Variants in DOK6 observed in about 807,000 individuals in gnomAD.
The protein encoded by DOK6 is downstream of tyrosine kinase 6.
A neutral mutation model predicts 44.0 loss-of-function variants in DOK6; 22 were observed. That is an observed-to-expected ratio of 0.50 (90% confidence interval 0.36 to 0.71). DOK6 has a LOEUF of 0.71. Ranked by LOEUF, DOK6 falls within the 30% of genes least tolerant of loss-of-function variation. DOK6 has a pLI of 0.00. For synonymous variants in DOK6, 166 were observed against 145.5 expected (o/e 1.14, Z -1.01); for missense variants, 340 against 416.4 (o/e 0.82, Z 1.60).
chr18:69,812,013 T>C (rs1599338745), intron 7 of DOK6, among the ~76,000 whole-genome samples: 1 of 151,970 alleles, frequency 6.6e-6, no homozygotes, highest in Non-Finnish European at 1.5e-5. Context: ...ACAAAAACTA[T>C]GAAGACTACA....
At chr18:69,733,893 G>T (rs921375488) in intron 5 of DOK6, among the ~76,000 whole-genome samples, 1 of 152,018 alleles carries the variant, frequency 6.6e-6, no homozygotes. Flanking sequence ...TGAAACAAGA[G>T]GAATTAGTGT....
At chr18:69,809,318 C>T (rs1852522487) in intron 7 of DOK6, among the ~76,000 whole-genome samples, 1 of 151,584 alleles carries the variant, frequency 6.6e-6, no homozygotes, top group South Asian at 2.1e-4. Context: ...ACAAGAAAGG[C>T]CATCTATGAC....
chr18:69,592,328 C>A (rs1983641671), intron 2 of DOK6, among the ~76,000 whole-genome samples: 1 of 151,490 alleles, frequency 6.6e-6, no homozygotes, highest in Non-Finnish European at 1.5e-5. Flanking sequence ...GATCTTTCTT[C>A]CTCTCTGCTC....
chr18:69,522,129 G>T (rs1599171771), intron 1 of DOK6, among the ~76,000 whole-genome samples: 2 of 151,918 alleles, frequency 1.3e-5, no homozygotes, highest in East Asian at 3.9e-4. Flanking sequence ...CCCTTCGAAT[G>T]GACCTGAGGG....
intron 3 of DOK6, among the ~76,000 whole-genome samples, chr18:69,635,090 T>A (rs1420297075): frequency 6.6e-6 from 1 of 152,180 alleles, no homozygotes; most frequent in Non-Finnish European, 1.5e-5. Context: ...GGTGCAAACA[T>A]GCAGTGCACA....
chr18:69,519,081 T>C (rs1216638779), intron 1 of DOK6, among the ~76,000 whole-genome samples: 1 of 152,090 alleles, frequency 6.6e-6, no homozygotes, highest in Admixed American at 6.6e-5. Flanking sequence ...TCAGAAATTT[T>C]CCTAATATTA....
At chr18:69,753,899 C>CA (rs1284089267) in intron 6 of DOK6, among the ~76,000 whole-genome samples, 1 of 151,862 alleles carries the variant, frequency 6.6e-6, no homozygotes, top group Non-Finnish European at 1.5e-5. Context: ...GAACTTCAAA[C>CA]ACATGTATCC....
chr18:69,705,091 T>TCCA (rs1986605286), intron 5 of DOK6: 1 of 152,238 alleles, frequency 6.6e-6, no homozygotes, highest in Non-Finnish European at 1.5e-5. Flanking sequence ...CCCTCGGCCC[T>TCCA]CCAGGAGGAT....
At chr18:69,432,820 G>A (rs972510350) in intron 1 of DOK6, among the ~76,000 whole-genome samples, 3 of 152,066 alleles carry the variant, frequency 2.0e-5, no homozygotes, top group Non-Finnish European at 4.4e-5. Context: ...ATTTTAAAAA[G>A]ATTTCATTAG....
chr18:69,536,281 A>G (rs948183243), intron 1 of DOK6, among the ~76,000 whole-genome samples: 1 of 152,202 alleles, frequency 6.6e-6, no homozygotes, highest in Non-Finnish European at 1.5e-5. Flanking sequence ...GACTTGGTAC[A>G]TATTAAATCC....
intron 3 of DOK6, among the ~76,000 whole-genome samples, chr18:69,665,356 G>C (rs1403302571): frequency 6.6e-6 from 1 of 152,088 alleles, no homozygotes; most frequent in African/African-American, 2.4e-5. Context: ...AAATGAGATG[G>C]GATAGACAGT....
At chr18:69,684,049 G>T (rs1177719066) in intron 4 of DOK6, among the ~76,000 whole-genome samples, 1 of 152,164 alleles carries the variant, frequency 6.6e-6, no homozygotes. Flanking sequence ...AGCCCCTCTA[G>T]AAGAAATAAG....
chr18:69,835,672 G>A (rs1455512628), intron 7 of DOK6, among the ~76,000 whole-genome samples: 8 of 152,196 alleles, frequency 5.3e-5, no homozygotes, highest in Admixed American at 5.2e-4. Context: ...AAGGATGACA[G>A]CGTCTCCTCT....
intron 4 of DOK6, among the ~76,000 whole-genome samples, chr18:69,681,561 C>T (rs72963466): frequency 0.031 from 4,657 of 152,226 alleles, 124 homozygotes; most frequent in African/African-American, 0.069. Context: ...CAGACACACA[C>T]ACACACACAG....
chr18:69,508,189 T>A (rs189155744), intron 1 of DOK6, among the ~76,000 whole-genome samples: 45 of 152,310 alleles, frequency 3.0e-4, no homozygotes, highest in African/African-American at 9.6e-4. Flanking sequence ...TGAACCAGCC[T>A]TGGTTACTGG....
At chr18:69,731,996 C>A (rs1342089035) in intron 5 of DOK6, among the ~76,000 whole-genome samples, 2 of 152,180 alleles carry the variant, frequency 1.3e-5, no homozygotes, top group Non-Finnish European at 2.9e-5. Context: ...CGTATCACTT[C>A]TCTGTATTTA....
chr18:69,476,318 A>T (rs1310207281), intron 1 of DOK6, among the ~76,000 whole-genome samples: 3 of 152,222 alleles, frequency 2.0e-5, no homozygotes, highest in Non-Finnish European at 4.4e-5. Context: ...TACATGAAGA[A>T]TATACATAAG....
chr18:69,727,413 T>C (rs1978315383), intron 5 of DOK6, among the ~76,000 whole-genome samples: 1 of 152,202 alleles, frequency 6.6e-6, no homozygotes, highest in East Asian at 1.9e-4. Context: ...TAATTTTGGC[T>C]TTTTGTGTGT....
intron 1 of DOK6, among the ~76,000 whole-genome samples, chr18:69,560,560 G>T (rs116099148): frequency 6.6e-6 from 1 of 151,960 alleles, no homozygotes; most frequent in African/African-American, 2.4e-5. Context: ...TATAATTCTC[G>T]TAATTATGAA....
Sources: gnomAD v4.1 joint callset for allele counts (sites outside exome capture counted in the v4.1 genomes callset) on GRCh38, gnomAD v4.1.1 for gene constraint, MANE v1.5 for transcripts, NCBI Gene and HGNC (gene_info 2026-07-23, HGNC 2026-07-21) for gene names.